Variants in ADGRD1 observed in about 807,000 individuals in gnomAD.
ADGRD1 encodes the protein adhesion G protein-coupled receptor D1, also known as G-protein coupled receptor 133.
A neutral mutation model predicts 113.4 loss-of-function variants in ADGRD1; 77 were observed. The observed-to-expected ratio is 0.68, with a 90% CI of 0.57 to 0.82. ADGRD1 has a LOEUF of 0.82. Ranked by LOEUF, ADGRD1 falls within the 40% of genes least tolerant of loss-of-function variation. The pLI, the probability that ADGRD1 is intolerant of heterozygous loss-of-function variation, is 0.00. For synonymous variants in ADGRD1, 474 were observed against 475.0 expected, an observed-to-expected ratio of 1.00 and a Z score of 0.03; for missense variants, 1,036 against 1,139.1, an observed-to-expected ratio of 0.91 and a Z score of 1.30.
intron 4 of ADGRD1, chr12:130,978,327 T>A (rs1456974384): frequency 6.6e-6 from 1 of 152,240 alleles, no homozygotes; most frequent in Non-Finnish European, 1.5e-5. Flanking sequence ...TTATGACTCC[T>A]AGATTTTTAT....
chr12:130,969,130 C>T, intron 3 of ADGRD1: 1 of 962,816 alleles, frequency 1.0e-6, no homozygotes, highest in Non-Finnish European at 1.6e-6. Context: ...ACGATGAATT[C>T]TAAGGCCAAT....
Position 131,002,683 on chromosome 12 carries a change from G to A in ADGRD1, c.1027-502G>A, listed in dbSNP as rs532958264. On this transcript the variant is annotated intron_variant, in intron 9 of 24. Coordinates refer to ENST00000261654, the MANE Select transcript of ADGRD1 (RefSeq NM_198827.5). ...GGAAAGAGGGCTCTTGGAGTAGAAG[G>A]CAAGCTCCTGGGAAGTCAAGGCAGC... 5 of 1,176,622 alleles carry A rather than the reference G, an allele frequency of 4.2e-6. No homozygotes were observed. In the Admixed American group the frequency reaches 1.9e-4, roughly 45 times the overall value. The allele number at this position is 1,176,622 out of a possible 1,614,324, so 72.9% of individuals were successfully genotyped here. A position where few individuals can be genotyped will look rare whatever the true frequency, so the allele number is the denominator to read the frequency against.
chr12:131,080,619 TTC>T (rs939957658), intron 14 of ADGRD1, among the ~76,000 whole-genome samples: 1 of 152,186 alleles, frequency 6.6e-6, no homozygotes, highest in Non-Finnish European at 1.5e-5. Flanking sequence ...TCTAGTTTTA[TTC>T]TTTTTTTTAT....
At chr12:131,044,969 T>G (rs1882527940) in intron 13 of ADGRD1, among the ~76,000 whole-genome samples, 1 of 152,274 alleles carries the variant, frequency 6.6e-6, no homozygotes. Flanking sequence ...CTTCGCCCTC[T>G]TGTTCCTCGT....
intron 14 of ADGRD1, among the ~76,000 whole-genome samples, chr12:131,078,388 T>C (rs10773843): frequency 0.56 from 85,099 of 152,088 alleles, 24,232 homozygotes; most frequent in African/African-American, 0.59. Context: ...GCCTCTGCAA[T>C]GTGGATTGAT....
rs147133008 is a variant in ADGRD1 at position 131,138,838 on chromosome 12, C to T, written c.2530-330C>T. Among the ~76,000 whole-genome samples the T allele has an allele frequency of 3.0e-3, 460 of 152,326 alleles. 1 individual carries two copies. Among genetic ancestry groups the T allele is most frequent in the African/African-American group, 0.01 (431 of 41,578 alleles). ...GTGTGTGGCACGCTCCATGAGTCAC[C>T]GTGGAATGAACGCAGCGTGGACAGA... On this transcript the variant is annotated intron_variant, in intron 24 of 24. Coordinates refer to ENST00000261654, the MANE Select transcript of ADGRD1 (RefSeq NM_198827.5).
Position 131,022,518 on chromosome 12 carries a change from T to A in ADGRD1, c.1473+8178T>A, listed in dbSNP as rs986864779. On this transcript the variant is annotated intron_variant, in intron 13 of 24. Transcript: ENST00000261654. The surrounding 1 kb of genome is among the most constrained non-coding windows in gnomAD (Gnocchi z 4.6). ...GATTTATTTATTCAGTTGCTGGTGTTGCTATGACTCAGGGGTACTATTTCA... is the reference window on the plus strand; with the variant it reads ...GATTTATTTATTCAGTTGCTGGTGTAGCTATGACTCAGGGGTACTATTTCA... Among the ~76,000 whole-genome samples the A allele has an allele frequency of 6.6e-6, 1 of 152,228 alleles. No individual in the cohort carries two copies. The highest frequency in any genetic ancestry group is 1.5e-5 in the Non-Finnish European group (1 of 68,042).
chr12:131,097,563 G>GCCAGGGATGGCCGCCAAA (rs1278886901), intron 15 of ADGRD1, among the ~76,000 whole-genome samples: 1 of 152,230 alleles, frequency 6.6e-6, no homozygotes, highest in Non-Finnish European at 1.5e-5. Flanking sequence ...GCTGCCTACG[G>GCCAGGGATGGCCGCCAAA]CCAGGGATGG....
chr12:130,993,781 G>C (rs1402540266), intron 8 of ADGRD1: 2 of 152,492 alleles, frequency 1.3e-5, no homozygotes, highest in South Asian at 2.1e-4. Context: ...AGGCCCAGAG[G>C]CGGGAATCCT....
rs985244476 is a variant in ADGRD1, at chr12:131,075,566, T to G, written c.1474-1235T>G. 2.0e-5 allele frequency among the ~76,000 whole-genome samples: 3 copies of G among 152,176 alleles called. No homozygotes were observed. The highest frequency in any genetic ancestry group is 6.5e-5 in the Admixed American group (1 of 15,282). ...GTAAACGTTCCATTTTGCCAAAACA[T>G]TAGTAGTAGACAGCACTAGGATAAT... On this transcript the variant is annotated intron_variant, in intron 13 of 24. Transcript: ENST00000261654. The surrounding 1 kb of genome is among the most constrained non-coding windows in gnomAD (Gnocchi z 5.3).
At chr12:130,961,402 C>A (rs1870342076) in intron 2 of ADGRD1, among the ~76,000 whole-genome samples, 1 of 150,570 alleles carries the variant, frequency 6.6e-6, no homozygotes, top group Non-Finnish European at 1.5e-5. Flanking sequence ...TCTGCCCTTT[C>A]CTCTCTCTCT....
At chr12:131,039,393 C>T (rs1881885207) in intron 13 of ADGRD1, among the ~76,000 whole-genome samples, 1 of 152,252 alleles carries the variant, frequency 6.6e-6, no homozygotes. Context: ...GGAGGGTTTC[C>T]ATAAAAATAG....
At chr12:130,994,186 G>A (rs560849509) in intron 8 of ADGRD1, 2 of 411,466 alleles carry the variant, frequency 4.9e-6, no homozygotes, top group Admixed American at 5.1e-5. Context: ...GGTGGAAAGA[G>A]CGGGTATAGA....
At chr12:130,999,404 T>C (rs566081902) in intron 8 of ADGRD1, among the ~76,000 whole-genome samples, 1 of 152,356 alleles carries the variant, frequency 6.6e-6, no homozygotes, top group South Asian at 2.1e-4. Flanking sequence ...TATTCCCTAT[T>C]TCATTAATTC....
intron 15 of ADGRD1, among the ~76,000 whole-genome samples, chr12:131,092,519 G>A (rs1005482946): frequency 4.6e-5 from 7 of 152,284 alleles, no homozygotes; most frequent in Non-Finnish European, 7.4e-5. Flanking sequence ...GGAGTCCCAG[G>A]GCCCGCCACG....
intron 15 of ADGRD1, among the ~76,000 whole-genome samples, chr12:131,101,390 T>C (rs1950081870): frequency 1.6e-5 from 2 of 123,058 alleles, no homozygotes; most frequent in Admixed American, 7.9e-5. Flanking sequence ...TTTTTTTTTT[T>C]TTTTTTTTTT....
chr12:130,974,343 G>A (rs777876481), intron 4 of ADGRD1, among the ~76,000 whole-genome samples: 1 of 151,726 alleles, frequency 6.6e-6, no homozygotes, highest in Non-Finnish European at 1.5e-5. Flanking sequence ...TTAATATACT[G>A]GGCGCATCAG....
intron 3 of ADGRD1, chr12:130,968,929 T>C (rs1265831553): frequency 5.5e-6 from 6 of 1,096,334 alleles, no homozygotes; most frequent in Non-Finnish European, 5.4e-6. Flanking sequence ...CCATTTGTCT[T>C]TTGTCTCACT....
At chr12:131,037,330 A>C (rs1410034615) in intron 13 of ADGRD1, among the ~76,000 whole-genome samples, 2 of 144,202 alleles carry the variant, frequency 1.4e-5, no homozygotes, top group Non-Finnish European at 3.0e-5. Flanking sequence ...ATGGGGCCTC[A>C]CTCACTGCAC....
Sources: gnomAD v4.1 joint callset for allele counts (sites outside exome capture counted in the v4.1 genomes callset) on GRCh38, gnomAD v4.1.1 for gene constraint, Gnocchi (gnomAD v3.1) non-coding constraint, MANE v1.5 for transcripts, NCBI Gene and HGNC (gene_info 2026-07-23, HGNC 2026-07-21) for gene names.